GAN: variants seen among roughly 807,000 people sequenced by gnomAD.
The protein encoded by GAN is epididymis secretory sperm binding protein.
GAN carries 48 observed loss-of-function variants against 71.3 expected under a neutral mutation model. That is an observed-to-expected ratio of 0.67 (90% CI 0.53 to 0.86). GAN has a LOEUF of 0.86. Ranked by LOEUF, GAN falls within the 40% of genes least tolerant of loss-of-function variation. GAN has a pLI of 0.00. For missense variants in GAN, 928 were observed against 770.1 expected (o/e 1.21, Z -2.43); for synonymous variants, 386 against 276.8 (o/e 1.39, Z -3.92).
chr16:81,364,603 C>A (rs901396757), intron 7 of GAN, among the ~76,000 whole-genome samples: 42 of 152,184 alleles, frequency 2.8e-4, no homozygotes, highest in African/African-American at 1.0e-3. Context: ...GCGGAAGGAT[C>A]TGTTGAGCCC....
Position 81,365,097 on chromosome 16 carries a change from C to T in GAN, c.1360C>T (p.Leu454=). ...RTQQWTAICP[L]KERRFGAVAC... Reference sequence around the variant, plus strand: ...CCAGCAGTGGACTGCCATATGTCCACTAAAAGAGAGGAGGTACGTGGCTGT... The same window carrying T: ...CCAGCAGTGGACTGCCATATGTCCATTAAAAGAGAGGAGGTACGTGGCTGT... The change falls in exon 8 of 11, where the codon CTA becomes TTA. Residue 454 remains leucine (L), a synonymous_variant. Transcript: ENST00000648994. 1.2e-6 allele frequency: 2 copies of T among 1,613,974 alleles called. No individual in the cohort carries two copies. The highest frequency in any genetic ancestry group is 2.2e-5 in the East Asian group (1 of 44,886).
chr16:81,356,244 A>G (rs1362247128), intron 3 of GAN, among the ~76,000 whole-genome samples: 2 of 151,936 alleles, frequency 1.3e-5, no homozygotes, highest in Non-Finnish European at 2.9e-5. Context: ...GTAAAAGTGT[A>G]AATTCATATT....
chr16:81,367,515 C>T (rs981120397), intron 9 of GAN, among the ~76,000 whole-genome samples: 3 of 152,068 alleles, frequency 2.0e-5, no homozygotes, highest in Non-Finnish European at 4.4e-5. Context: ...GGCAACAAAG[C>T]GAGACCCTGT....
chr16:81,342,713 T>G (rs1010160606), intron 1 of GAN, among the ~76,000 whole-genome samples: 1 of 151,994 alleles, frequency 6.6e-6, no homozygotes, highest in African/African-American at 2.4e-5. Context: ...AGCATCACAA[T>G]TAAAAGAACT....
intron 1 of GAN, among the ~76,000 whole-genome samples, chr16:81,323,226 G>A (rs1909275930): frequency 6.6e-6 from 1 of 152,146 alleles, no homozygotes; most frequent in South Asian, 2.1e-4. Flanking sequence ...TGGTGGGTTT[G>A]TTTGTTCTCC....
intron 9 of GAN, among the ~76,000 whole-genome samples, chr16:81,375,042 T>C (rs1450789396): frequency 6.6e-6 from 1 of 152,176 alleles, no homozygotes; most frequent in Non-Finnish European, 1.5e-5. Flanking sequence ...AATCTTCGTA[T>C]TGGGGTAGGC....
chr16:81,326,553 G>C (rs1909396216), intron 1 of GAN, among the ~76,000 whole-genome samples: 1 of 152,260 alleles, frequency 6.6e-6, no homozygotes, highest in South Asian at 2.1e-4. Flanking sequence ...GGATAATTGA[G>C]TTGTCTGTGA....
chr16:81,364,657 C>G (rs952380832), intron 7 of GAN, among the ~76,000 whole-genome samples: 1 of 152,082 alleles, frequency 6.6e-6, no homozygotes, highest in Admixed American at 6.5e-5. Flanking sequence ...CCACTGCACT[C>G]CAGCCAAGGC....
intron 1 of GAN, among the ~76,000 whole-genome samples, chr16:81,326,976 G>A (rs1909412477): frequency 6.6e-6 from 1 of 152,208 alleles, no homozygotes; most frequent in African/African-American, 2.4e-5. Flanking sequence ...TGAACTTTCT[G>A]CCATAGCATT....
At chr16:81,376,850 G>A (rs1904283150) in intron 9 of GAN, among the ~76,000 whole-genome samples, 1 of 152,004 alleles carries the variant, frequency 6.6e-6, no homozygotes, top group Non-Finnish European at 1.5e-5. Flanking sequence ...GCACTCGGGA[G>A]GCCCTGTCTG....
chr16:81,315,131 C>A lies in GAN; in HGVS notation c.18C>A (p.Ala6=), dbSNP rs747434408. ...GCGCCGCGATGGCTGAGGGCAGTGC[C>A]GTGTCTGACCCTCAGCACGCCGCGC... MAEGS[A]VSDPQHAARL... is the part of the protein sequence containing the mutation. The change falls in exon 1 of 11, where the codon GCC becomes GCA. Residue 6 remains alanine, a synonymous_variant. Transcript: ENST00000648994. 3.3e-6 allele frequency: 5 copies of A among 1,523,050 alleles called. No homozygotes were observed. Among genetic ancestry groups the A allele is most frequent in the African/African-American group, 1.4e-5 (1 of 69,636 alleles). 94.3% of individuals were successfully genotyped at this position (1,523,050 alleles called of 1,614,324 possible).
chr16:81,375,532 G>T (rs1208561474), intron 9 of GAN, among the ~76,000 whole-genome samples: 1 of 151,894 alleles, frequency 6.6e-6, no homozygotes, highest in Non-Finnish European at 1.5e-5. Flanking sequence ...TCGCCATGTT[G>T]CCCAGCTGGT....
At chr16:81,351,540 T>G (rs1450505840) in intron 1 of GAN, 43 bp from the exon 2 acceptor site, 1 of 827,908 alleles carries the variant, frequency 1.2e-6, no homozygotes, top group Non-Finnish European at 2.2e-6. Context: ...TATAGCTATT[T>G]CTGTTCTTTC....
chr16:81,354,409 G>A lies in GAN; in HGVS notation c.287G>A (p.Arg96Lys). 6.2e-7 allele frequency: 1 copy of A among 1,601,222 alleles called. No homozygotes were observed. The highest frequency in any genetic ancestry group is 8.6e-7 in the Non-Finnish European group (1 of 1,168,278). Reference sequence around the variant, plus strand: ...ATAATTATGCTACTTTTTTAGATCAGGCTAAATGAAGATACAATCCAAGAT... The same window carrying A: ...ATAATTATGCTACTTTTTTAGATCAAGCTAAATGAAGATACAATCCAAGAT... ...ILDYIFSGQI[R>K]LNEDTIQDVV... Residue 96 changes from arginine (R) to lysine (K), a missense_variant, in exon 3 of 11, where the codon AGG becomes AAG. Coordinates refer to ENST00000648994, the MANE Select transcript of GAN (RefSeq NM_022041.4).
intron 4 of GAN, 151 bp from the exon 5 acceptor site, chr16:81,357,659 C>T (rs1267227911): frequency 1.4e-6 from 1 of 720,098 alleles, no homozygotes; most frequent in East Asian, 2.9e-5. Context: ...ATTCCTAGTT[C>T]TAGATCCCTG....
In GAN at chr16:81,354,421, A is replaced by G; in HGVS notation, c.299A>G (p.Asp100Gly). ...CTTTTTTAGATCAGGCTAAATGAAGATACAATCCAAGATGTTGTTCAGGCA... is the reference window on the plus strand; with the variant it reads ...CTTTTTTAGATCAGGCTAAATGAAGGTACAATCCAAGATGTTGTTCAGGCA... ...IFSGQIRLNE[D>G]TIQDVVQAAD... Residue 100 changes from aspartate (D) to glycine (G), a missense_variant, in exon 3 of 11, where the codon GAT (aspartate) becomes GGT (glycine). Coordinates refer to ENST00000648994, the MANE Select transcript of GAN (RefSeq NM_022041.4). 6.2e-7 allele frequency: 1 copy of G among 1,609,408 alleles called. No individual in the cohort carries two copies. The highest frequency in any genetic ancestry group is 8.5e-7 in the Non-Finnish European group (1 of 1,175,644).
At chr16:81,364,093 C>G (rs1910767896) in intron 7 of GAN, 150 bp downstream of exon 7, 1 of 723,938 alleles carries the variant, frequency 1.4e-6, no homozygotes, top group East Asian at 2.6e-5. Context: ...TTTGCCTTCA[C>G]TGTCATCAGC....
chr16:81,383,042 G>A lies in GAN; in HGVS notation c.*5446G>A, dbSNP rs534432429. ...TTGCCCAGGCTGATCTTAAACTCCT[G>A]GCCTCAGATGTGGAGACCCAGCTGG... On this transcript the variant is annotated 3_prime_UTR_variant, in exon 11 of 11. Transcript: ENST00000648994. 6.6e-6 allele frequency: 1 copy of A among 151,770 alleles called. No homozygotes were observed. The highest frequency in any genetic ancestry group is 2.1e-4 in the South Asian group (1 of 4,804). 9.4% of individuals were successfully genotyped at this position (151,770 alleles called of 1,614,324 possible). A position where few individuals can be genotyped will look rare whatever the true frequency, so the allele number is the denominator to read the frequency against.
chr16:81,373,828 C>T (rs374766259), intron 9 of GAN, among the ~76,000 whole-genome samples: 10 of 152,130 alleles, frequency 6.6e-5, no homozygotes, highest in African/African-American at 2.2e-4. Context: ...CTGCAACCTC[C>T]GCCTCCTGGG....
Sources: gnomAD v4.1 joint callset for allele counts (sites outside exome capture counted in the v4.1 genomes callset) on GRCh38, gnomAD v4.1.1 for gene constraint, MANE v1.5 for transcripts, NCBI Gene and HGNC (gene_info 2026-07-23, HGNC 2026-07-21) for gene names.